Variants in SPATA31C1 observed in about 807,000 individuals in gnomAD.
SPATA31C1 encodes spermatogenesis-associated protein 31C1.
chr9:87,920,837 G>A (rs183946394), exon 5 of SPATA31C1: 11 of 1,613,758 alleles, frequency 6.8e-6, no homozygotes, highest in African/African-American at 1.3e-5. Context: ...CGTCAGTCCA[G>A]CAAGATCATC....
chr9:87,920,949 C>G (rs755074734), exon 5 of SPATA31C1: 1 of 1,613,072 alleles, frequency 6.2e-7, no homozygotes, highest in Non-Finnish European at 8.5e-7. Context: ...ATCCACACCC[C>G]AATTCCGGCC....
exon 5 of SPATA31C1, chr9:87,922,473 T>C (rs1340149440): frequency 1.2e-6 from 2 of 1,610,538 alleles, no homozygotes; most frequent in Admixed American, 3.3e-5. Flanking sequence ...AAGAAAGCTG[T>C]GTCTCATGGA....
chr9:87,920,579 T>C (rs1395534115), exon 5 of SPATA31C1: 1 of 1,613,622 alleles, frequency 6.2e-7, no homozygotes, highest in Non-Finnish European at 8.5e-7. Context: ...ACACCCCTGA[T>C]CCTCTGGCCT....
At chr9:87,920,331 A>G (rs1828817319) in exon 5 of SPATA31C1, 1 of 1,613,952 alleles carries the variant, frequency 6.2e-7, no homozygotes, top group Non-Finnish European at 8.5e-7. Flanking sequence ...GGGCAAAAGA[A>G]CACCTGATGG....
At chr9:87,921,905 T>C (rs1388449473) in exon 5 of SPATA31C1, 2 of 1,611,820 alleles carry the variant, frequency 1.2e-6, no homozygotes, top group Admixed American at 1.7e-5. Flanking sequence ...ACAGGTGGGG[T>C]CTACCCCTCA....
In SPATA31C1 at chr9:87,920,872, T is replaced by C. The variant is rs375460152; in HGVS notation, n.1262T>C. ...CTTTCCCGCCAAAGGGACACCACAA[T>C]GTCCCCACTGCTTTTCCAGGCCCAG... On this transcript the variant is annotated non_coding_transcript_exon_variant, in exon 5 of 5. Coordinates refer to ENST00000420021, the Ensembl canonical transcript of SPATA31C1. 5.7e-5 allele frequency: 92 copies of C among 1,613,284 alleles called. No individual in the cohort carries two copies. Among genetic ancestry groups the C allele is most frequent in the Middle Eastern group, 3.3e-4 (2 of 6,072 alleles).
At chr9:87,920,143 C>A in intron 4 of SPATA31C1, 109 bp from the exon 4 acceptor site, 1 of 1,599,470 alleles carries the variant, frequency 6.3e-7, no homozygotes, top group Non-Finnish European at 8.5e-7. Context: ...CAGGGTGTGG[C>A]GTGGTGGAGA....
chr9:87,920,262 C>A, exon 5 of SPATA31C1: 1 of 1,613,550 alleles, frequency 6.2e-7, no homozygotes, highest in African/African-American at 1.3e-5. Context: ...CCTCCTGGGG[C>A]CACACCTTGA....
At chr9:87,922,822 A>C in exon 5 of SPATA31C1, 1 of 1,606,430 alleles carries the variant, frequency 6.2e-7, no homozygotes, top group Non-Finnish European at 8.5e-7. Context: ...AACTTAGAAA[A>C]ACATGAAGAA....
rs770037078 is a variant in SPATA31C1 at position 87,921,364 on chromosome 9, G to A, written n.1754G>A. The A allele has an allele frequency of 1.3e-5, 21 of 1,611,850 alleles. 1 individual carries two copies. The South Asian group carries it at 2.1e-4, about 16-fold the overall frequency. On this transcript the variant is annotated non_coding_transcript_exon_variant, in exon 5 of 5. Transcript: ENST00000420021. ...CTTCAGGATGAATTGCCAGGGACAA[G>A]TCAGGCCAAGGGCAAACCCAGGCCC...
chr9:87,919,308 G>C (rs575976396), exon 3 of SPATA31C1: 2 of 1,601,858 alleles, frequency 1.2e-6, no homozygotes, highest in Non-Finnish European at 1.7e-6. Flanking sequence ...CAGGGCGGAG[G>C]GGGAGGCCCA....
intron 1 of SPATA31C1, among the ~76,000 whole-genome samples, chr9:87,916,344 G>C (rs551390712): frequency 1.9e-3 from 277 of 145,884 alleles, no homozygotes; most frequent in African/African-American, 6.1e-3. Context: ...ATAATTATTA[G>C]ACATGACACC....
intron 1 of SPATA31C1, among the ~76,000 whole-genome samples, chr9:87,916,200 C>A (rs1209560598): frequency 7.4e-6 from 1 of 134,548 alleles, no homozygotes. Context: ...ATAAGAAAAC[C>A]AATTAGATAC....
Position 87,920,365 on chromosome 9 carries a change from C to G in SPATA31C1, n.755C>G, listed in dbSNP as rs1828818796. 5.6e-6 allele frequency: 9 copies of G among 1,613,974 alleles called. No homozygotes were observed. In the Middle Eastern group the frequency reaches 8.3e-4, roughly 148 times the overall value. On this transcript the variant is annotated non_coding_transcript_exon_variant, in exon 5 of 5. Coordinates refer to ENST00000420021, the Ensembl canonical transcript of SPATA31C1. ...GGAGCCTCCCGGTCCTCTCATGAGC[C>G]TATGGAAGATGCTGCTCCCATTGTC...
chr9:87,920,735 C>G, exon 5 of SPATA31C1: 1 of 1,614,006 alleles, frequency 6.2e-7, no homozygotes. Flanking sequence ...CGGCTTCTGT[C>G]CCAGCCATCT....
At chr9:87,919,274 G>T (rs372123336) in intron 2 of SPATA31C1, 1 of 1,599,348 alleles carries the variant, frequency 6.3e-7, no homozygotes, top group Non-Finnish European at 8.5e-7. Flanking sequence ...GTCTCCCAGC[G>T]TCATCTTGTC....
In SPATA31C1 at chr9:87,920,340, G is replaced by A. The variant is rs188709636; in HGVS notation, n.730G>A. On this transcript the variant is annotated non_coding_transcript_exon_variant, in exon 5 of 5. Transcript: ENST00000420021. Reference sequence around the variant, plus strand: ...TGAGGTGGGCAAAAGAACACCTGATGGAGCCTCCCGGTCCTCTCATGAGCC... The same window carrying A: ...TGAGGTGGGCAAAAGAACACCTGATAGAGCCTCCCGGTCCTCTCATGAGCC... The A allele has an allele frequency of 4.2e-4, 673 of 1,613,920 alleles. 6 individuals are homozygous for A. In the African/African-American group the frequency reaches 8.4e-3, roughly 20 times the overall value.
chr9:87,919,309 G>C, exon 3 of SPATA31C1: 1 of 1,459,476 alleles, frequency 6.9e-7, no homozygotes, highest in Middle Eastern at 2.1e-4. Context: ...AGGGCGGAGG[G>C]GGAGGCCCAG....
At chr9:87,919,067 ACCC>A (rs1828773924) in intron 2 of SPATA31C1, 185 bp from the exon 2 acceptor site, 1 of 946,202 alleles carries the variant, frequency 1.1e-6, no homozygotes, top group African/African-American at 1.7e-5. Context: ...ACCGCACCCG[ACCC>A]CCTCTTCCTG....
Sources: allele counts gnomAD v4.1 joint callset (sites outside exome capture counted in the v4.1 genomes callset), GRCh38; gene constraint gnomAD v4.1.1; transcripts MANE v1.5; gene names NCBI Gene and HGNC (gene_info 2026-07-23, HGNC 2026-07-21).